CDKL4: variants seen among roughly 807,000 people sequenced by gnomAD.
CDKL4 encodes the protein cyclin-dependent kinase-like 4.
In CDKL4, 44 loss-of-function variants were observed where a neutral mutation model predicts 42.0. That is an observed-to-expected ratio of 1.05 (90% CI 0.82 to 1.35). The LOEUF (loss-of-function observed/expected upper bound fraction) is 1.35. Ranked by LOEUF, CDKL4 falls within the 40% of genes most tolerant of loss-of-function variation. The pLI is 0.00. For missense variants in CDKL4, 393 were observed against 369.9 expected, an observed-to-expected ratio of 1.06 and a Z score of -0.51; for synonymous variants, 120 against 121.6, an observed-to-expected ratio of 0.99 and a Z score of 0.09.
chr2:39,199,294 A>G (rs1676705955), intron 5 of CDKL4, among the ~76,000 whole-genome samples: 1 of 152,178 alleles, frequency 6.6e-6, no homozygotes, highest in African/African-American at 2.4e-5. Context: ...AACCAGGAAG[A>G]AATAGAACCT....
At chr2:39,240,150 C>T (rs1245684546) in intron 1 of CDKL4, among the ~76,000 whole-genome samples, 1 of 151,518 alleles carries the variant, frequency 6.6e-6, no homozygotes, top group Non-Finnish European at 1.5e-5. Context: ...TGGCTCACGC[C>T]TGTAATCCCA....
intron 9 of CDKL4, 25 bp downstream of exon 9, chr2:39,179,162 C>A (rs1394681537): frequency 6.3e-7 from 1 of 1,587,110 alleles, no homozygotes; most frequent in Admixed American, 2.0e-5. Flanking sequence ...ATTTTTATAG[C>A]ACTTTAACTT....
chr2:39,223,410 A>G (rs1029982656), intron 3 of CDKL4, among the ~76,000 whole-genome samples: 2 of 152,144 alleles, frequency 1.3e-5, no homozygotes, highest in Non-Finnish European at 2.9e-5. Context: ...CTAGCCATCA[A>G]TGAGGAGGTC....
upstream of CDKL4, among the ~76,000 whole-genome samples, chr2:39,244,782 GATTGTAA>G (rs1310730127): frequency 6.6e-6 from 1 of 152,214 alleles, no homozygotes; most frequent in Non-Finnish European, 1.5e-5. Flanking sequence ...CTAGCTCAGG[GATTGTAA>G]ATACACCAAT....
intron 6 of CDKL4, 45 bp downstream of exon 6, chr2:39,190,260 C>T (rs765538544): frequency 1.0e-5 from 14 of 1,348,448 alleles, no homozygotes; most frequent in Middle Eastern, 1.8e-4. Context: ...CATATGAATG[C>T]TATAACAATT....
At chr2:39,236,154 TAAAA>T (rs58561018) in intron 1 of CDKL4, among the ~76,000 whole-genome samples, 1 of 87,818 alleles carries the variant, frequency 1.1e-5, no homozygotes, top group Non-Finnish European at 2.6e-5. Flanking sequence ...AATTTTAGAG[TAAAA>T]AAAAAAAAAA....
At chr2:39,224,134 T>C (rs1424721853) in intron 3 of CDKL4, among the ~76,000 whole-genome samples, 1 of 152,234 alleles carries the variant, frequency 6.6e-6, no homozygotes, top group African/African-American at 2.4e-5. Flanking sequence ...GGCAAATAGT[T>C]TACCCAATAT....
At chr2:39,216,214 C>T (rs901771127) in intron 3 of CDKL4, among the ~76,000 whole-genome samples, 2 of 152,132 alleles carry the variant, frequency 1.3e-5, no homozygotes, top group Admixed American at 6.6e-5. Context: ...GGTTTTAACA[C>T]CCACATGAGT....
intron 8 of CDKL4, among the ~76,000 whole-genome samples, chr2:39,183,018 A>T (rs1262826493): frequency 6.6e-6 from 1 of 152,190 alleles, no homozygotes; most frequent in African/African-American, 2.4e-5. Context: ...ACAGTGGCTT[A>T]CGCCTGTAAT....
intron 8 of CDKL4, among the ~76,000 whole-genome samples, chr2:39,181,109 A>AT (rs551437780): frequency 6.6e-6 from 1 of 152,070 alleles, no homozygotes; most frequent in Non-Finnish European, 1.5e-5. Context: ...CTCTACTTCC[A>AT]TATCCTTCAA....
chr2:39,171,195 T>A (rs1302550366), downstream of CDKL4, among the ~76,000 whole-genome samples: 4 of 149,800 alleles, frequency 2.7e-5, no homozygotes, highest in African/African-American at 9.9e-5. Flanking sequence ...GCTGAGATTA[T>A]GCCACTGCAC....
At chr2:39,184,785 A>G (rs946366419) in intron 7 of CDKL4, 138 bp from the exon 8 acceptor site, 2 of 606,072 alleles carry the variant, frequency 3.3e-6, no homozygotes, top group African/African-American at 1.8e-5. Flanking sequence ...CCCAGGCTGC[A>G]GTGCAGTGGC....
rs970651954 is a variant in CDKL4, at chr2:39,221,435, T to C, written c.290+4404A>G. On this transcript the variant is annotated intron_variant, in intron 3 of 9. Coordinates refer to ENST00000451199, the Ensembl canonical transcript of CDKL4. ...TTGTTTATCTCTGTTTGCTATTCACTGGGCTTAGGCCTTTAAAAATACTCT... is the reference window on the plus strand; with the variant it reads ...TTGTTTATCTCTGTTTGCTATTCACCGGGCTTAGGCCTTTAAAAATACTCT... Among the ~76,000 whole-genome samples, 21 of 152,234 alleles carry C rather than the reference T, an allele frequency of 1.4e-4. 1 individual carries two copies. The highest frequency in any genetic ancestry group is 2.4e-5 in the African/African-American group (1 of 41,474).
intron 9 of CDKL4, among the ~76,000 whole-genome samples, chr2:39,177,444 G>A (rs1273923754): frequency 4.6e-4 from 68 of 147,068 alleles, no homozygotes; most frequent in Non-Finnish European, 8.2e-4. Context: ...TGCTCTTGTC[G>A]CCCAGGCTGG....
Position 39,225,970 on chromosome 2 carries a change from A to G in CDKL4, c.169-10T>C. 6.2e-7 allele frequency: 1 copy of G among 1,606,500 alleles called. No individual in the cohort carries two copies. The highest frequency in any genetic ancestry group is 8.5e-7 in the Non-Finnish European group (1 of 1,177,406). ...TTGGATGTTTTAATTGCTGTGAAAG[A>G]ATTGAAATGCAAAGTTAAGTGATCT... On this transcript the variant is annotated splice_polypyrimidine_tract_variant and intron_variant, in intron 2 of 9. Coordinates refer to ENST00000451199, the Ensembl canonical transcript of CDKL4.
chr2:39,206,731 A>T (rs901892295), intron 4 of CDKL4, among the ~76,000 whole-genome samples: 1 of 152,216 alleles, frequency 6.6e-6, no homozygotes, highest in Non-Finnish European at 1.5e-5. Context: ...TCATCCTTGC[A>T]ACAATCCTGT....
chr2:39,184,520 C>G, intron 8 of CDKL4, 71 bp downstream of exon 8: 1 of 1,051,492 alleles, frequency 9.5e-7, no homozygotes, highest in Non-Finnish European at 1.5e-6. Context: ...CACTGTCCAC[C>G]CCTCCTCAAA....
chr2:39,195,365 T>C (rs544497340), intron 5 of CDKL4, among the ~76,000 whole-genome samples: 1 of 152,318 alleles, frequency 6.6e-6, no homozygotes, highest in South Asian at 2.1e-4. Context: ...GTTTAATTTT[T>C]TGAAGAGCTG....
chr2:39,229,783 T>C (rs1252242462), intron 1 of CDKL4, among the ~76,000 whole-genome samples, 195 bp from the exon 2 acceptor site: 4 of 152,230 alleles, frequency 2.6e-5, no homozygotes, highest in Non-Finnish European at 4.4e-5. Context: ...AAAGATTTCA[T>C]ATGCTATTTC....
Sources: allele counts gnomAD v4.1 joint callset (sites outside exome capture counted in the v4.1 genomes callset), GRCh38; gene constraint gnomAD v4.1.1; transcripts MANE v1.5; gene names NCBI Gene and HGNC (gene_info 2026-07-23, HGNC 2026-07-21).